The following RNF8 variants were observed in gnomAD, a reference collection of about 807,000 sequenced individuals.
RNF8 encodes the protein ring finger protein 8.
A neutral mutation model predicts 59.3 loss-of-function variants in RNF8; 8 were observed. The ratio of observed to expected loss-of-function variants is 0.13; its 90% CI spans 0.08 to 0.24. The LOEUF is 0.24. RNF8 is among the 10% of genes least tolerant of loss of function. The probability of loss-of-function intolerance (pLI) is 1.00; values close to 1 mark genes in which losing one functional copy is unlikely to be tolerated. For missense variants in RNF8, 406 were observed against 572.6 expected (o/e 0.71, Z 2.97); for synonymous variants, 162 against 200.0 (o/e 0.81, Z 1.60).
chr6:37,380,257 C>T (rs1770197183), intron 6 of RNF8, among the ~76,000 whole-genome samples: 2 of 152,120 alleles, frequency 1.3e-5, no homozygotes, highest in South Asian at 4.1e-4. Flanking sequence ...TGCAAGGTGG[C>T]CAGCCCACAT....
intron 7 of RNF8, among the ~76,000 whole-genome samples, chr6:37,382,060 G>C (rs1770289491): frequency 6.6e-6 from 1 of 152,164 alleles, no homozygotes; most frequent in Non-Finnish European, 1.5e-5. Flanking sequence ...GAATCCCATT[G>C]TTCTTCCTTT....
At chr6:37,354,510 G>A (rs984462893) in intron 1 of RNF8, among the ~76,000 whole-genome samples, 1 of 151,948 alleles carries the variant, frequency 6.6e-6, no homozygotes, top group Non-Finnish European at 1.5e-5. Flanking sequence ...AGAAATAGGG[G>A]CCGAGTGGGA....
intron 2 of RNF8, among the ~76,000 whole-genome samples, chr6:37,362,748 G>A (rs964631291): frequency 6.6e-6 from 1 of 152,238 alleles, no homozygotes; most frequent in African/African-American, 2.4e-5. Context: ...TCAAGAGATA[G>A]GTGTTTCTAA....
intron 1 of RNF8, among the ~76,000 whole-genome samples, chr6:37,359,638 T>C (rs1337072677): frequency 2.6e-5 from 4 of 152,170 alleles, no homozygotes; most frequent in Admixed American, 1.3e-4. Context: ...AGACAGGACT[T>C]AGGATAGCAT....
rs1041083379 is a variant in RNF8 at position 37,392,991 on chromosome 6, A to G, written c.*2233A>G. 6 of 188,186 alleles carry G rather than the reference A, an allele frequency of 3.2e-5. No homozygotes were observed. Among genetic ancestry groups the G allele is most frequent in the Non-Finnish European group, 6.5e-5 (6 of 92,770 alleles). 11.7% of individuals were successfully genotyped at this position (188,186 alleles called of 1,614,324 possible). A position where few individuals can be genotyped will look rare whatever the true frequency, so the allele number is the denominator to read the frequency against. ...CTTGACTTGAGCCTGAAGACTATGTACAGAGACTGACCTCACAGACTGACC... is the reference window on the plus strand; with the variant it reads ...CTTGACTTGAGCCTGAAGACTATGTGCAGAGACTGACCTCACAGACTGACC... On this transcript the variant is annotated 3_prime_UTR_variant, in exon 8 of 8. Coordinates refer to ENST00000373479, the MANE Select transcript of RNF8 (RefSeq NM_003958.4).
chr6:37,359,913 T>G (rs1309495393), intron 1 of RNF8, among the ~76,000 whole-genome samples: 1 of 152,130 alleles, frequency 6.6e-6, no homozygotes, highest in Non-Finnish European at 1.5e-5. Context: ...CCCCTGGGAG[T>G]TAAGTTGAAG....
intron 1 of RNF8, among the ~76,000 whole-genome samples, chr6:37,359,874 T>G (rs916319159): frequency 1.3e-5 from 2 of 152,242 alleles, no homozygotes; most frequent in African/African-American, 4.8e-5. Context: ...CTTCACAGAC[T>G]CATTAGAATG....
intron 7 of RNF8, among the ~76,000 whole-genome samples, chr6:37,385,909 A>T (rs537660774): frequency 3.5e-5 from 5 of 144,072 alleles, no homozygotes; most frequent in Non-Finnish European, 7.5e-5. Flanking sequence ...ATCACGGCTC[A>T]CTGTAGCCTT....
At chr6:37,382,646 C>G (rs951520703) in intron 7 of RNF8, among the ~76,000 whole-genome samples, 9 of 152,122 alleles carry the variant, frequency 5.9e-5, no homozygotes, top group Admixed American at 5.2e-4. Flanking sequence ...TAAGTTCCTT[C>G]CCTGCAATCT....
At chr6:37,357,256 T>G (rs982550450) in intron 1 of RNF8, among the ~76,000 whole-genome samples, 3 of 152,200 alleles carry the variant, frequency 2.0e-5, no homozygotes, top group African/African-American at 7.2e-5. Context: ...TCCTGAGATT[T>G]CCAGGTAACC....
chr6:37,382,197 T>C (rs2113831876), intron 7 of RNF8, among the ~76,000 whole-genome samples: 2 of 152,224 alleles, frequency 1.3e-5, no homozygotes, highest in Middle Eastern at 6.8e-3. Flanking sequence ...GAAAGGCAAG[T>C]AGATAGTGTG....
At chr6:37,367,784 T>C (rs113725955) in intron 2 of RNF8, among the ~76,000 whole-genome samples, 7 of 152,326 alleles carry the variant, frequency 4.6e-5, no homozygotes, top group African/African-American at 1.7e-4. Context: ...CATTCCTCAC[T>C]GGAACAGTGT....
At position 37,381,201 on chromosome 6, in the gene RNF8, T is replaced by C; in HGVS notation, c.1288T>C (p.Trp430Arg). The C allele has an allele frequency of 6.2e-7, 1 of 1,614,208 alleles. No homozygotes were observed. Among genetic ancestry groups the C allele is most frequent in the South Asian group, 1.1e-5 (1 of 91,086 alleles). Residue 430 changes from tryptophan (W) to arginine (R), a missense_variant, in exon 7 of 8, where the codon TGG becomes CGG. Around this residue, in one of 3 missense-constraint regions of RNF8, gnomAD observed 59 missense variants for 118.5 expected, o/e 0.50. Transcript: ENST00000373479. ...HSFCSYCINEWMKRKIECPIC... is the reference protein window; with the variant it reads ...HSFCSYCINERMKRKIECPIC... ...TTTCTGCTCCTACTGTATCAATGAATGGATGAAGCGGAAGATAGAATGCCC... is the reference window on the plus strand; with the variant it reads ...TTTCTGCTCCTACTGTATCAATGAACGGATGAAGCGGAAGATAGAATGCCC...
At chr6:37,367,180 A>G (rs1769592109) in intron 2 of RNF8, among the ~76,000 whole-genome samples, 1 of 152,182 alleles carries the variant, frequency 6.6e-6, no homozygotes, top group South Asian at 2.1e-4. Context: ...TACTTGCCAT[A>G]TGTTATCTCA....
chr6:37,373,778 C>A (rs1769899367), intron 4 of RNF8, among the ~76,000 whole-genome samples: 1 of 152,136 alleles, frequency 6.6e-6, no homozygotes, highest in Non-Finnish European at 1.5e-5. Flanking sequence ...AAGTTGAAGA[C>A]CCAGGCCTTT....
At position 37,371,558 on chromosome 6, in the gene RNF8, C is replaced by T; in HGVS notation, c.1022C>T (p.Ala341Val). 3.1e-6 allele frequency: 5 copies of T among 1,613,902 alleles called. No individual in the cohort carries two copies. Among genetic ancestry groups the T allele is most frequent in the Non-Finnish European group, 3.4e-6 (4 of 1,179,870 alleles). ...QGEKDLKQQL[A>V]QALQEHWALM... is the part of the protein sequence containing the mutation. ...GAAAAGGACCTGAAGCAACAGCTGG[C>T]CCAGGCTCTGCAGGAGGTAACTTTG... is the stretch of plus-strand genomic sequence containing the variant. Residue 341 changes from alanine (A) to valine (V), a missense_variant, in exon 4 of 8, where the codon GCC becomes GTC. Ala to Val is a moderately conservative substitution (Grantham distance 64, BLOSUM62 0). Coordinates refer to ENST00000373479, the MANE Select transcript of RNF8 (RefSeq NM_003958.4).
chr6:37,369,448 G>A (rs1008664382), intron 3 of RNF8, among the ~76,000 whole-genome samples: 1 of 152,216 alleles, frequency 6.6e-6, no homozygotes, highest in African/African-American at 2.4e-5. Context: ...TGCCAAGATA[G>A]GGTAAAGTGA....
chr6:37,373,325 T>A (rs1050487578), intron 4 of RNF8, among the ~76,000 whole-genome samples: 1 of 152,182 alleles, frequency 6.6e-6, no homozygotes, highest in Admixed American at 6.5e-5. Context: ...TATATACAGC[T>A]CAAAAAACTT....
rs966062883 is a variant in RNF8 at position 37,391,059 on chromosome 6, G to A, written c.*301G>A. 13 of 543,722 alleles carry A rather than the reference G, an allele frequency of 2.4e-5. No homozygotes were observed. Among genetic ancestry groups the A allele is most frequent in the African/African-American group, 5.8e-5 (3 of 51,930 alleles). The allele number at this position is 543,722 out of a possible 1,614,324, so 33.7% of individuals were successfully genotyped here. On this transcript the variant is annotated 3_prime_UTR_variant, in exon 8 of 8. Coordinates refer to ENST00000373479, the MANE Select transcript of RNF8 (RefSeq NM_003958.4). Reference sequence around the variant, plus strand: ...GTTCTCTTCTGTTTTTTTTTAATTTGTTGTTGTTGTTACTGTTTTGATACC... The same window carrying A: ...GTTCTCTTCTGTTTTTTTTTAATTTATTGTTGTTGTTACTGTTTTGATACC...
Sources: gnomAD v4.1 joint callset for allele counts (sites outside exome capture counted in the v4.1 genomes callset) on GRCh38, gnomAD v4.1.1 for gene constraint, gnomAD v4.1.1 regional missense constraint, MANE v1.5 for transcripts, NCBI Gene and HGNC (gene_info 2026-07-23, HGNC 2026-07-21) for gene names.